SEMA3A: variants seen among roughly 807,000 people sequenced by gnomAD.
SEMA3A encodes the protein semaphorin-3A.
Under a neutral mutation model 97.9 loss-of-function variants are expected in SEMA3A, and 29 were observed. The observed-to-expected ratio is 0.30, with a 90% CI of 0.22 to 0.40. SEMA3A has a LOEUF of 0.40. SEMA3A is among the 10% of genes least tolerant of loss of function. SEMA3A has a pLI of 1.00. For synonymous variants in SEMA3A, 321 were observed against 323.7 expected, an observed-to-expected ratio of 0.99 and a Z score of 0.09; for missense variants, 763 against 951.3, an observed-to-expected ratio of 0.80 and a Z score of 2.60.
chr7:84,140,316 T>G (rs906344679), intron 1 of SEMA3A, among the ~76,000 whole-genome samples: 4 of 152,144 alleles, frequency 2.6e-5, no homozygotes, highest in Non-Finnish European at 5.9e-5. Context: ...TAATACAGAT[T>G]TCTGGTTTGC....
chr7:84,051,589 A>G (rs1008992267), intron 5 of SEMA3A, among the ~76,000 whole-genome samples: 1 of 152,208 alleles, frequency 6.6e-6, no homozygotes, highest in African/African-American at 2.4e-5. Flanking sequence ...GAAGTTGCTT[A>G]TCAGCTTAAG....
chr7:83,990,937 C>T (rs1279463028), intron 12 of SEMA3A, among the ~76,000 whole-genome samples: 1 of 152,140 alleles, frequency 6.6e-6, no homozygotes, highest in Non-Finnish European at 1.5e-5. Context: ...GATATTGATT[C>T]TTCCTACCCA....
chr7:84,195,899 G>C (rs1335039371), upstream of SEMA3A, among the ~76,000 whole-genome samples: 1 of 152,104 alleles, frequency 6.6e-6, no homozygotes, highest in Non-Finnish European at 1.5e-5. Flanking sequence ...AATTTTCTGT[G>C]GGACGTATAG....
At chr7:83,988,474 C>A (rs1300302863) in intron 12 of SEMA3A, among the ~76,000 whole-genome samples, 1 of 152,040 alleles carries the variant, frequency 6.6e-6, no homozygotes, top group Non-Finnish European at 1.5e-5. Flanking sequence ...CGTGATCCGC[C>A]ACCTCAGCCT....
chr7:84,236,164 C>G (rs868522533), intron 3 of SEMA3A, among the ~76,000 whole-genome samples: 1 of 152,206 alleles, frequency 6.6e-6, no homozygotes, highest in South Asian at 2.1e-4. Flanking sequence ...CCACTGGCCA[C>G]TCTCCTTTGC....
chr7:84,130,493 T>C (rs1034038829), intron 2 of SEMA3A, among the ~76,000 whole-genome samples: 1 of 152,158 alleles, frequency 6.6e-6, no homozygotes, highest in African/African-American at 2.4e-5. Context: ...CTATCTTATG[T>C]GCTTTCCTTT....
chr7:84,336,225 A>C (rs1008758430), intron 2 of SEMA3A, among the ~76,000 whole-genome samples: 1 of 152,174 alleles, frequency 6.6e-6, no homozygotes, highest in African/African-American at 2.4e-5. Context: ...AAAACAGAGG[A>C]GGTAATTAAG....
intron 3 of SEMA3A, among the ~76,000 whole-genome samples, chr7:84,272,949 G>T (rs1452462847): frequency 6.6e-6 from 1 of 151,974 alleles, no homozygotes; most frequent in African/African-American, 2.4e-5. Flanking sequence ...ATACTTTTGA[G>T]AATATATCTA....
chr7:84,266,178 A>C (rs1330025257), intron 3 of SEMA3A, among the ~76,000 whole-genome samples: 1 of 151,850 alleles, frequency 6.6e-6, no homozygotes, highest in Admixed American at 6.6e-5. Context: ...AAAATTAGCC[A>C]GGCATAGTGG....
At chr7:84,055,079 G>A (rs980236391) in intron 5 of SEMA3A, among the ~76,000 whole-genome samples, 14 of 151,472 alleles carry the variant, frequency 9.2e-5, no homozygotes, top group Non-Finnish European at 1.6e-4. Flanking sequence ...CTCCAGCTGC[G>A]TGCTGGGAGA....
intron 1 of SEMA3A, among the ~76,000 whole-genome samples, chr7:84,445,667 G>C (rs1805396361): frequency 6.6e-6 from 1 of 151,510 alleles, no homozygotes; most frequent in Admixed American, 6.6e-5. Flanking sequence ...AAAATACTTA[G>C]AGATTAAACC....
At chr7:84,392,224 C>T (rs1385482095) in intron 1 of SEMA3A, among the ~76,000 whole-genome samples, 1 of 152,076 alleles carries the variant, frequency 6.6e-6, no homozygotes, top group Non-Finnish European at 1.5e-5. Context: ...ATGTTTTACA[C>T]CTTTGATTAT....
At chr7:84,208,065 T>C (rs1273388579) in intron 3 of SEMA3A, among the ~76,000 whole-genome samples, 1 of 152,208 alleles carries the variant, frequency 6.6e-6, no homozygotes, top group Non-Finnish European at 1.5e-5. Flanking sequence ...TATATATACA[T>C]GCATGCCTAC....
intron 3 of SEMA3A, among the ~76,000 whole-genome samples, chr7:84,203,325 C>CT (rs1255619677): frequency 1.1e-4 from 16 of 148,740 alleles, no homozygotes; most frequent in Admixed American, 3.4e-4. Context: ...GAAGAGAAGC[C>CT]TTTTTTTTTC....
chr7:84,077,515 T>G (rs1036180039), intron 4 of SEMA3A, among the ~76,000 whole-genome samples: 2 of 152,036 alleles, frequency 1.3e-5, no homozygotes, highest in Non-Finnish European at 2.9e-5. Flanking sequence ...TTTCAAGATT[T>G]TTTTCAGAGA....
chr7:84,320,631 GT>G (rs1801622003), intron 2 of SEMA3A, among the ~76,000 whole-genome samples: 1 of 144,426 alleles, frequency 6.9e-6, no homozygotes, highest in Non-Finnish European at 1.5e-5. Flanking sequence ...CAGAAGGGAA[GT>G]TTTAGTGTAC....
intron 1 of SEMA3A, among the ~76,000 whole-genome samples, chr7:84,180,329 T>C (rs950879963): frequency 4.6e-5 from 7 of 152,070 alleles, no homozygotes; most frequent in African/African-American, 1.7e-4. Flanking sequence ...CAAATGGCAA[T>C]TGGCATTTAT....
chr7:84,015,555 CATTT>C (rs1791063996), intron 6 of SEMA3A, among the ~76,000 whole-genome samples: 1 of 152,178 alleles, frequency 6.6e-6, no homozygotes, highest in South Asian at 2.1e-4. Context: ...ATACTGCAGA[CATTT>C]ATATTCTTAC....
chr7:84,198,188 T>G (rs1365552538), upstream of SEMA3A, among the ~76,000 whole-genome samples: 1 of 152,046 alleles, frequency 6.6e-6, no homozygotes, highest in Non-Finnish European at 1.5e-5. Flanking sequence ...TGGCCTTTTT[T>G]TATTTTTTTA....
Sources: gnomAD v4.1 joint callset for allele counts (sites outside exome capture counted in the v4.1 genomes callset) on GRCh38, gnomAD v4.1.1 for gene constraint, MANE v1.5 for transcripts, NCBI Gene and HGNC (gene_info 2026-07-23, HGNC 2026-07-21) for gene names.